CDH13: variants seen among roughly 807,000 people sequenced by gnomAD.
CDH13 encodes the protein cadherin 13, also known as cadherin-13.
In CDH13, 24 loss-of-function variants were observed where a neutral mutation model predicts 63.8. That is an observed-to-expected ratio of 0.38 (90% CI 0.27 to 0.53). The LOEUF is 0.53. CDH13 is among the 20% of genes least tolerant of loss of function. CDH13 has a pLI of 0.85. For missense variants in CDH13, 1,049 were observed against 903.1 expected, an observed-to-expected ratio of 1.16 and a Z score of -2.07; for synonymous variants, 503 against 355.3, an observed-to-expected ratio of 1.42 and a Z score of -4.67.
intron 1 of CDH13, among the ~76,000 whole-genome samples, chr16:82,679,877 A>G (rs140700077): frequency 7.7e-4 from 118 of 152,326 alleles, no homozygotes; most frequent in African/African-American, 2.7e-3. Flanking sequence ...TTAAAGAAGG[A>G]ACCCTATCTC....
intron 10 of CDH13, among the ~76,000 whole-genome samples, chr16:83,733,203 A>T (rs404638): frequency 3.9e-5 from 6 of 152,246 alleles, no homozygotes; most frequent in Middle Eastern, 3.4e-3. Context: ...CTGAGCACTC[A>T]GTGATGGAAA....
At chr16:82,737,411 G>T (rs1402642630) in intron 1 of CDH13, among the ~76,000 whole-genome samples, 1 of 152,162 alleles carries the variant, frequency 6.6e-6, no homozygotes, top group East Asian at 1.9e-4. Flanking sequence ...CCACCGTTGT[G>T]TGATACCACA....
chr16:82,664,996 C>T (rs558628316), intron 1 of CDH13, among the ~76,000 whole-genome samples: 1 of 152,120 alleles, frequency 6.6e-6, no homozygotes, highest in Non-Finnish European at 1.5e-5. Context: ...GTATCTGTAG[C>T]TCCCAAATCA....
intron 1 of CDH13, among the ~76,000 whole-genome samples, chr16:82,695,778 C>A (rs1290275960): frequency 6.6e-6 from 1 of 152,176 alleles, no homozygotes; most frequent in Non-Finnish European, 1.5e-5. Flanking sequence ...CTATACCATG[C>A]AGCCTGGTAG....
At chr16:83,418,306 A>T (rs543370678) in intron 6 of CDH13, among the ~76,000 whole-genome samples, 42 of 152,198 alleles carry the variant, frequency 2.8e-4, no homozygotes, top group Non-Finnish European at 5.9e-4. Flanking sequence ...GTACCCAGTA[A>T]CTGTTACCAG....
chr16:83,591,315 C>T (rs114590443), intron 7 of CDH13, among the ~76,000 whole-genome samples: 69 of 152,324 alleles, frequency 4.5e-4, no homozygotes, highest in African/African-American at 1.6e-3. Context: ...AAAACAAAAG[C>T]TAATGTGGCA....
intron 6 of CDH13, among the ~76,000 whole-genome samples, chr16:83,377,599 C>A (rs1156535683): frequency 6.6e-6 from 1 of 152,160 alleles, no homozygotes; most frequent in South Asian, 2.1e-4. Context: ...CAACCACAGG[C>A]CATAAATGTA....
intron 7 of CDH13, among the ~76,000 whole-genome samples, chr16:83,532,023 C>T (rs1164981853): frequency 6.6e-6 from 1 of 152,112 alleles, no homozygotes; most frequent in Non-Finnish European, 1.5e-5. Context: ...GCAGGTCTTT[C>T]CTGTGCTATG....
At chr16:83,421,879 A>G (rs1306592517) in intron 6 of CDH13, among the ~76,000 whole-genome samples, 1 of 152,226 alleles carries the variant, frequency 6.6e-6, no homozygotes, top group Non-Finnish European at 1.5e-5. Flanking sequence ...AGTCAAGATT[A>G]CCCAAAGCAC....
intron 5 of CDH13, among the ~76,000 whole-genome samples, chr16:83,242,659 TTC>T (rs1904581096): frequency 6.6e-6 from 1 of 152,152 alleles, no homozygotes; most frequent in African/African-American, 2.4e-5. Flanking sequence ...AGAGGCAAAA[TTC>T]TCTGTCTTAG....
chr16:82,959,827 G>C (rs1395188276), intron 2 of CDH13, among the ~76,000 whole-genome samples: 1 of 152,118 alleles, frequency 6.6e-6, no homozygotes, highest in African/African-American at 2.4e-5. Flanking sequence ...CATCTGGTTT[G>C]CTTCCAGTTT....
intron 6 of CDH13, among the ~76,000 whole-genome samples, chr16:83,350,606 G>C (rs1031658082): frequency 6.6e-6 from 1 of 152,016 alleles, no homozygotes; most frequent in Non-Finnish European, 1.5e-5. Flanking sequence ...CTGTGCTGGC[G>C]CTATTCTAAG....
chr16:82,799,659 C>A (rs2036755536), intron 1 of CDH13, among the ~76,000 whole-genome samples: 1 of 152,214 alleles, frequency 6.6e-6, no homozygotes, highest in Admixed American at 6.5e-5. Context: ...CACATTTTCT[C>A]ATATTCGGCC....
intron 2 of CDH13, among the ~76,000 whole-genome samples, chr16:83,010,860 C>G (rs879762787): frequency 6.6e-6 from 1 of 152,190 alleles, no homozygotes; most frequent in Non-Finnish European, 1.5e-5. Context: ...GCAAACAGCT[C>G]TTTGGTTCTC....
intron 6 of CDH13, among the ~76,000 whole-genome samples, chr16:83,454,189 A>T (rs927405209): frequency 9.9e-5 from 15 of 152,230 alleles, no homozygotes; most frequent in African/African-American, 3.6e-4. Flanking sequence ...CTCACCTCAG[A>T]AAAGGAACCT....
intron 8 of CDH13, among the ~76,000 whole-genome samples, chr16:83,661,404 A>T (rs540319523): frequency 6.6e-6 from 1 of 151,664 alleles, no homozygotes; most frequent in Non-Finnish European, 1.5e-5. Context: ...GATCACTTGC[A>T]CTTAGGAGGT....
chr16:83,438,735 C>A (rs886915240), intron 6 of CDH13, among the ~76,000 whole-genome samples: 3 of 152,194 alleles, frequency 2.0e-5, no homozygotes, highest in Non-Finnish European at 2.9e-5. Context: ...TATAATCCCC[C>A]AAATGACAGA....
intron 1 of CDH13, among the ~76,000 whole-genome samples, chr16:82,741,063 C>G (rs1434175732): frequency 6.6e-6 from 1 of 152,140 alleles, no homozygotes; most frequent in African/African-American, 2.4e-5. Context: ...CTCTCTCACT[C>G]TCACTCTCCC....
chr16:83,394,232 C>G (rs1203041806), intron 6 of CDH13, among the ~76,000 whole-genome samples: 3 of 151,642 alleles, frequency 2.0e-5, no homozygotes, highest in African/African-American at 7.3e-5. Flanking sequence ...ACATGTACCC[C>G]TGAACCTAAA....
Sources: gnomAD v4.1 joint callset for allele counts (sites outside exome capture counted in the v4.1 genomes callset) on GRCh38, gnomAD v4.1.1 for gene constraint, MANE v1.5 for transcripts, NCBI Gene and HGNC (gene_info 2026-07-23, HGNC 2026-07-21) for gene names.